Variants in SYNPR observed in about 807,000 individuals in gnomAD.
SYNPR encodes synaptoporin.
Under a neutral mutation model 32.9 loss-of-function variants are expected in SYNPR, and 23 were observed. That is an observed-to-expected ratio of 0.70 (90% CI 0.50 to 0.99). The LOEUF (loss-of-function observed/expected upper bound fraction) is 0.99, where lower values mean the gene tolerates loss of function less well. SYNPR is among the 50% of genes least tolerant of loss of function. SYNPR has a pLI of 0.00. For synonymous variants in SYNPR, 146 were observed against 135.9 expected (o/e 1.07, Z -0.52); for missense variants, 318 against 349.3 (o/e 0.91, Z 0.71).
chr3:63,371,222 C>A (rs1358777749), intron 2 of SYNPR, among the ~76,000 whole-genome samples: 3 of 151,940 alleles, frequency 2.0e-5, no homozygotes, highest in Non-Finnish European at 4.4e-5. Flanking sequence ...CTCAGGAGAT[C>A]CCCCTGTGAG....
intron 1 of SYNPR, among the ~76,000 whole-genome samples, chr3:63,249,465 T>C (rs2086314627): frequency 6.6e-6 from 1 of 152,134 alleles, no homozygotes. Flanking sequence ...ATTCTTAAGC[T>C]ATGTGGGCAA....
chr3:63,472,978 G>A (rs1415489390), intron 2 of SYNPR, among the ~76,000 whole-genome samples: 1 of 152,108 alleles, frequency 6.6e-6, no homozygotes, highest in Non-Finnish European at 1.5e-5. Context: ...ATGGCCACGG[G>A]CTGTCGTTTT....
At chr3:63,270,321 C>T (rs1309258870) in intron 3 of SYNPR, among the ~76,000 whole-genome samples, 1 of 151,910 alleles carries the variant, frequency 6.6e-6, no homozygotes, top group Non-Finnish European at 1.5e-5. Context: ...GAGAATAGCT[C>T]TAAGATAAAA....
intron 3 of SYNPR, among the ~76,000 whole-genome samples, chr3:63,522,006 G>C (rs1449932282): frequency 6.6e-6 from 1 of 152,184 alleles, no homozygotes; most frequent in African/African-American, 2.4e-5. Flanking sequence ...GTGCAGAGGA[G>C]AAGGGGGCAA....
At chr3:63,390,164 T>C (rs1054992255) in intron 2 of SYNPR, among the ~76,000 whole-genome samples, 2 of 152,200 alleles carry the variant, frequency 1.3e-5, no homozygotes, top group Non-Finnish European at 2.9e-5. Context: ...AAGAAAATCA[T>C]TCTGTCTCTA....
At chr3:63,453,940 T>C (rs1453297560) in intron 2 of SYNPR, among the ~76,000 whole-genome samples, 3 of 152,204 alleles carry the variant, frequency 2.0e-5, no homozygotes, top group Non-Finnish European at 2.9e-5. Context: ...ATCTGTATTA[T>C]CATGATATAA....
intron 2 of SYNPR, among the ~76,000 whole-genome samples, chr3:63,281,265 C>T (rs12491231): frequency 0.29 from 44,428 of 152,030 alleles, 7,718 homozygotes; most frequent in Non-Finnish European, 0.39. Flanking sequence ...TGACAGAGCA[C>T]TTAAAATATC....
At chr3:63,377,598 A>G (rs1415951159) in intron 2 of SYNPR, among the ~76,000 whole-genome samples, 2 of 151,714 alleles carry the variant, frequency 1.3e-5, no homozygotes, top group Admixed American at 6.6e-5. Context: ...ACCAGCAAGG[A>G]TGGAACAATC....
At chr3:63,304,226 T>C (rs977474120) in intron 2 of SYNPR, among the ~76,000 whole-genome samples, 2 of 151,946 alleles carry the variant, frequency 1.3e-5, no homozygotes, top group African/African-American at 4.8e-5. Flanking sequence ...GGTTCTCTTA[T>C]AGGGAAAGCA....
At chr3:63,271,224 TCTC>T (rs1418666075) in intron 3 of SYNPR, among the ~76,000 whole-genome samples, 3 of 152,136 alleles carry the variant, frequency 2.0e-5, no homozygotes, top group Admixed American at 2.0e-4. Context: ...TCATGCGTCT[TCTC>T]TGTGTGTGGG....
chr3:63,444,078 A>G (rs961971860), intron 2 of SYNPR, among the ~76,000 whole-genome samples: 2 of 152,250 alleles, frequency 1.3e-5, no homozygotes, highest in African/African-American at 4.8e-5. Context: ...AGCTACAATC[A>G]CAAGTGGCTG....
At position 63,562,817 on chromosome 3, in the gene SYNPR, C is replaced by G. The variant is rs146442746; in HGVS notation, c.408+6076C>G. ...AGTCCAGTGATCTTCAGGGTAGTGG[C>G]TAATTTATGGGGTGCTGGATTTTAA... On this transcript the variant is annotated intron_variant, in intron 4 of 5. Coordinates refer to ENST00000478300, the MANE Select transcript of SYNPR (RefSeq NM_001130003.2). Among the ~76,000 whole-genome samples the G allele has an allele frequency of 4.9e-4, 74 of 152,214 alleles. 1 individual carries two copies. Among genetic ancestry groups the G allele is most frequent in the African/African-American group, 1.5e-3 (64 of 41,556 alleles).
chr3:63,328,500 T>C (rs1352963436), intron 2 of SYNPR, among the ~76,000 whole-genome samples: 3 of 152,202 alleles, frequency 2.0e-5, no homozygotes, highest in Non-Finnish European at 4.4e-5. Flanking sequence ...CTAACATGCC[T>C]GTCTCCCTGG....
intron 2 of SYNPR, among the ~76,000 whole-genome samples, chr3:63,402,465 C>A (rs569772986): frequency 1.3e-5 from 2 of 152,336 alleles, no homozygotes; most frequent in South Asian, 4.1e-4. Flanking sequence ...AATCCAGGGT[C>A]TGTGATGACA....
At chr3:63,340,419 AT>A (rs60297238) in intron 2 of SYNPR, among the ~76,000 whole-genome samples, 66 of 128,518 alleles carry the variant, frequency 5.1e-4, no homozygotes, top group East Asian at 1.3e-3. Flanking sequence ...AAAAAAATGT[AT>A]TTTTTTTTTT....
chr3:63,452,869 G>GA lies in SYNPR; in HGVS notation c.85-27957dup, dbSNP rs900834111. Among the ~76,000 whole-genome samples the GA allele has an allele frequency of 1.6e-4, 24 of 152,072 alleles. No homozygotes were observed. The East Asian group carries it at 1.9e-3, about 12-fold the overall frequency. ...CTGGTAAATACTGGTAAAATGGAGG[G>GA]AAAAAATGGATCTTTTTATGTGTAT... On this transcript the variant is annotated intron_variant, in intron 2 of 5. Transcript: ENST00000478300.
intron 3 of SYNPR, among the ~76,000 whole-genome samples, chr3:63,489,457 G>C (rs1048393747): frequency 2.6e-5 from 4 of 152,120 alleles, no homozygotes; most frequent in Non-Finnish European, 5.9e-5. Flanking sequence ...AGAGAGATAC[G>C]GGTGGGCAAC....
At chr3:63,250,419 A>G (rs2086322199) in intron 1 of SYNPR, among the ~76,000 whole-genome samples, 1 of 152,152 alleles carries the variant, frequency 6.6e-6, no homozygotes. Context: ...TGAAAAATAG[A>G]AACTAGCCTT....
intron 2 of SYNPR, among the ~76,000 whole-genome samples, chr3:63,424,739 AG>A (rs1699862897): frequency 6.6e-6 from 1 of 152,138 alleles, no homozygotes; most frequent in Non-Finnish European, 1.5e-5. Context: ...GGCACTTTGG[AG>A]GGAGGGGAGC....
Sources: allele counts gnomAD v4.1 joint callset (sites outside exome capture counted in the v4.1 genomes callset), GRCh38; gene constraint gnomAD v4.1.1; transcripts MANE v1.5; gene names NCBI Gene and HGNC (gene_info 2026-07-23, HGNC 2026-07-21).